ACACB: variants seen among roughly 807,000 people sequenced by gnomAD.
ACACB encodes acetyl-CoA carboxylase 2.
In ACACB, 209 loss-of-function variants were observed where a neutral mutation model predicts 278.8. That is an observed-to-expected ratio of 0.75 (90% confidence interval 0.67 to 0.84). ACACB has a LOEUF of 0.84. ACACB is among the 40% of genes least tolerant of loss of function. The pLI is 0.00. For missense variants in ACACB, 2,850 were observed against 3,269.0 expected (o/e 0.87, Z 3.13); for synonymous variants, 1,174 against 1,285.6 (o/e 0.91, Z 1.86).
At chr12:109,152,325 A>T (rs1267840784) in intron 2 of ACACB, among the ~76,000 whole-genome samples, 1 of 151,956 alleles carries the variant, frequency 6.6e-6, no homozygotes, top group Admixed American at 6.6e-5. Flanking sequence ...TACACTGGGG[A>T]TATTTGGGGG....
rs529852793 is a variant in ACACB at position 109,260,406 on chromosome 12, A to C, written c.6497-74A>C. On this transcript the variant is annotated intron_variant, in intron 47 of 52. Transcript: ENST00000338432. Reference sequence around the variant, plus strand: ...CTGGGCTCACTCTCCCAGGACCCCCAGGACAACTAGGGCAGTGGGTTTCAT... The same window carrying C: ...CTGGGCTCACTCTCCCAGGACCCCCCGGACAACTAGGGCAGTGGGTTTCAT... 17 of 1,583,466 alleles carry C rather than the reference A, an allele frequency of 1.1e-5. No homozygotes were observed. In the African/African-American group the frequency reaches 2.1e-4, roughly 20 times the overall value.
chr12:109,187,790 A>T (rs2044714911), intron 12 of ACACB, among the ~76,000 whole-genome samples: 1 of 152,118 alleles, frequency 6.6e-6, no homozygotes, highest in African/African-American at 2.4e-5. Flanking sequence ...AGTTAAAAAA[A>T]ATAAGAATTA....
In ACACB at chr12:109,227,536, C is replaced by T. The variant is rs752831055; in HGVS notation, c.4001+47C>T. On this transcript the variant is annotated intron_variant, in intron 28 of 52. Coordinates refer to ENST00000338432, the MANE Select transcript of ACACB (RefSeq NM_001093.4). ...GGGACGGCCTGTGTTTCTGTTCTTCCTGACCTCTGTCGTCCTGTCTCTGGA... is the reference window on the plus strand; with the variant it reads ...GGGACGGCCTGTGTTTCTGTTCTTCTTGACCTCTGTCGTCCTGTCTCTGGA... The T allele has an allele frequency of 2.5e-6, 4 of 1,570,496 alleles. No individual in the cohort carries two copies. The African/African-American group carries it at 5.4e-5, about 21-fold the overall frequency.
chr12:109,124,652 TC>T (rs1326581538), intron 1 of ACACB, among the ~76,000 whole-genome samples: 15 of 152,200 alleles, frequency 9.9e-5, no homozygotes, highest in Non-Finnish European at 1.8e-4. Flanking sequence ...ATTTTCTACT[TC>T]CGTCAATCTT....
rs184593957 is a variant in ACACB, at chr12:109,217,396, G to T, written c.3564+476G>T. ...GCCTTTGTACAATGTAAGGGAATGG[G>T]CATGGCTGTGTTCCCATAAAACTTT... On this transcript the variant is annotated intron_variant, in intron 24 of 52. Coordinates refer to ENST00000338432, the MANE Select transcript of ACACB (RefSeq NM_001093.4). 2.2e-4 allele frequency among the ~76,000 whole-genome samples: 34 copies of T among 152,326 alleles called. No individual in the cohort carries two copies. In the East Asian group the frequency reaches 3.5e-3, roughly 16 times the overall value.
At chr12:109,169,730 C>T (rs1565883440) in intron 4 of ACACB, among the ~76,000 whole-genome samples, 1 of 152,230 alleles carries the variant, frequency 6.6e-6, no homozygotes, top group East Asian at 1.9e-4. Context: ...CATTTATTTT[C>T]TTCCCAGCAC....
chr12:109,121,628 G>A (rs371586646), intron 1 of ACACB, among the ~76,000 whole-genome samples: 48 of 152,308 alleles, frequency 3.2e-4, no homozygotes, highest in South Asian at 1.4e-3. Context: ...TTCAACAGCC[G>A]TGCAGATGCC....
chr12:109,121,088 T>C (rs2042538023), intron 1 of ACACB, among the ~76,000 whole-genome samples: 2 of 152,062 alleles, frequency 1.3e-5, no homozygotes, highest in Admixed American at 1.3e-4. Context: ...CACAGGTGCA[T>C]ATCACCACAC....
rs188412672 is a variant in ACACB, at chr12:109,134,698, G to A, written c.-9-4699G>A. 1.7e-3 allele frequency among the ~76,000 whole-genome samples: 253 copies of A among 152,310 alleles called. 1 individual carries two copies. Among genetic ancestry groups the A allele is most frequent in the Non-Finnish European group, 2.8e-3 (191 of 68,028 alleles). The stretch of plus-strand genomic sequence containing the variant: ...AGGCAAAAGGAGACGGGAAGGCAAG[G>A]ACTAGGCAGAGGAGTTGAGACCAGA... On this transcript the variant is annotated intron_variant, in intron 1 of 52. Transcript: ENST00000338432.
Position 109,160,600 on chromosome 12 carries a change from G to A in ACACB, c.654-6261G>A, listed in dbSNP as rs76543961. ...AAACATTTCAGCTCTCACCCTTGCC[G>A]TGCTGTATAAGGACAGGGCTTCTCA... On this transcript the variant is annotated intron_variant, in intron 2 of 52. Coordinates refer to ENST00000338432, the MANE Select transcript of ACACB (RefSeq NM_001093.4). Among the ~76,000 whole-genome samples the A allele has an allele frequency of 5.1e-4, 77 of 152,316 alleles. No homozygotes were observed. In the East Asian group the frequency reaches 0.012, roughly 23 times the overall value.
chr12:109,260,683 T>A, intron 48 of ACACB, 26 bp downstream of exon 48: 1 of 1,514,660 alleles, frequency 6.6e-7, no homozygotes, highest in South Asian at 1.3e-5. Context: ...TTAGCCTGGC[T>A]TAGCCTTTTC....
At chr12:109,192,716 C>T (rs971670764) in intron 15 of ACACB, among the ~76,000 whole-genome samples, 7 of 151,984 alleles carry the variant, frequency 4.6e-5, no homozygotes, top group Non-Finnish European at 8.8e-5. Flanking sequence ...GGCTAGAGTG[C>T]AGTGGTATGA....
chr12:109,182,359 A>C lies in ACACB; in HGVS notation c.1818+2272A>C, dbSNP rs142383746. Among the ~76,000 whole-genome samples, 826 of 151,732 alleles carry C rather than the reference A, an allele frequency of 5.4e-3. 7 individuals carry two copies. The highest frequency in any genetic ancestry group is 0.018 in the African/African-American group (750 of 41,334). On this transcript the variant is annotated intron_variant, in intron 11 of 52. Transcript: ENST00000338432. The stretch of plus-strand genomic sequence containing the variant: ...GATTCATGAGACTTTTTTCCTACTC[A>C]GTTGTTTTAGCTTCTTTTTTGTTTT...
intron 22 of ACACB, among the ~76,000 whole-genome samples, chr12:109,216,412 G>C (rs977466167): frequency 6.6e-6 from 1 of 151,566 alleles, no homozygotes; most frequent in Non-Finnish European, 1.5e-5. Flanking sequence ...AGTAGAGACA[G>C]GGTTTCACCA....
At chr12:109,124,757 C>T (rs2042636846) in intron 1 of ACACB, among the ~76,000 whole-genome samples, 1 of 152,092 alleles carries the variant, frequency 6.6e-6, no homozygotes. Flanking sequence ...CTCTGTCATC[C>T]AGGCTAGAGT....
At chr12:109,124,050 T>C (rs912242116) in intron 1 of ACACB, among the ~76,000 whole-genome samples, 4 of 152,010 alleles carry the variant, frequency 2.6e-5, no homozygotes, top group African/African-American at 9.6e-5. Flanking sequence ...CGTAATACTT[T>C]AGCACACATT....
chr12:109,201,800 C>T lies in ACACB; in HGVS notation c.2913+99C>T, dbSNP rs534879175. 4.0e-4 allele frequency: 586 copies of T among 1,463,462 alleles called. 1 individual carries two copies. The highest frequency in any genetic ancestry group is 4.8e-4 in the Non-Finnish European group (527 of 1,090,840). 90.7% of individuals were successfully genotyped at this position (1,463,462 alleles called of 1,614,324 possible). A position where few individuals can be genotyped will look rare whatever the true frequency, so the allele number is the denominator to read the frequency against. ...GGTGGACTCAAGGCTGGTAGCGCTT[C>T]TCCTGCCTCCACCTGCAGACAGAGC... On this transcript the variant is annotated intron_variant, in intron 19 of 52. Transcript: ENST00000338432.
chr12:109,235,263 T>A, intron 31 of ACACB, 50 bp from the exon 32 acceptor site: 1 of 1,523,802 alleles, frequency 6.6e-7, no homozygotes, highest in Non-Finnish European at 9.1e-7. Flanking sequence ...ATACTTCAGT[T>A]CCTTTTACGG....
At chr12:109,146,944 G>A (rs1265970876) in intron 2 of ACACB, among the ~76,000 whole-genome samples, 1 of 151,990 alleles carries the variant, frequency 6.6e-6, no homozygotes, top group African/African-American at 2.4e-5. Context: ...CAAAGTACTG[G>A]GATTACAGGA....
Sources: allele counts gnomAD v4.1 joint callset (sites outside exome capture counted in the v4.1 genomes callset), GRCh38; gene constraint gnomAD v4.1.1; transcripts MANE v1.5; gene names NCBI Gene and HGNC (gene_info 2026-07-23, HGNC 2026-07-21).